SEC22C: variants seen among roughly 807,000 people sequenced by gnomAD.
The protein encoded by SEC22C is SEC22 homolog C, vesicle trafficking protein.
A neutral mutation model predicts 34.7 loss-of-function variants in SEC22C; 29 were observed. The ratio of observed to expected loss-of-function variants is 0.84; its 90% confidence interval spans 0.62 to 1.14. SEC22C has a LOEUF of 1.14. SEC22C is among the 50% of genes most tolerant of loss of function. The pLI is 0.00. For missense variants in SEC22C, 337 were observed against 369.0 expected, an observed-to-expected ratio of 0.91 and a Z score of 0.71; for synonymous variants, 117 against 132.8, an observed-to-expected ratio of 0.88 and a Z score of 0.82.
At chr3:42,561,879 G>A (rs1363023144) in intron 3 of SEC22C, among the ~76,000 whole-genome samples, 8 of 152,066 alleles carry the variant, frequency 5.3e-5, no homozygotes, top group Non-Finnish European at 1.2e-4. Flanking sequence ...TCGGGGGAAA[G>A]GGGCATGCGT....
chr3:42,590,913 G>C (rs536121157), intron 1 of SEC22C: 2 of 1,592,396 alleles, frequency 1.3e-6, no homozygotes, highest in South Asian at 1.1e-5. Context: ...GGTGGCCTTC[G>C]TACCGGACTG....
intron 3 of SEC22C, among the ~76,000 whole-genome samples, chr3:42,562,114 C>T (rs1379305403): frequency 6.6e-6 from 1 of 152,146 alleles, no homozygotes; most frequent in Non-Finnish European, 1.5e-5. Context: ...TCCATTATCA[C>T]ATCTGAACAG....
At chr3:42,563,247 C>T (rs1332151389) in intron 3 of SEC22C, among the ~76,000 whole-genome samples, 1 of 152,184 alleles carries the variant, frequency 6.6e-6, no homozygotes, top group Non-Finnish European at 1.5e-5. Context: ...TTTGCTGACC[C>T]CAGCTTCAGA....
intron 1 of SEC22C, among the ~76,000 whole-genome samples, chr3:42,575,948 G>A (rs1428432642): frequency 6.6e-6 from 1 of 152,068 alleles, no homozygotes; most frequent in Non-Finnish European, 1.5e-5. Flanking sequence ...TGTCTACCAA[G>A]ATAGACCATA....
In SEC22C at chr3:42,549,381, A is replaced by G. The variant is rs566120338; in HGVS notation, c.*3867T>C. 3 of 985,586 alleles carry G rather than the reference A, an allele frequency of 3.0e-6. No homozygotes were observed. The East Asian group carries it at 3.4e-4, about 112-fold the overall frequency. The allele number at this position is 985,586 out of a possible 1,614,324, so 61.1% of individuals were successfully genotyped here. ...ACTCCTTCACAGAACAGCAAATAGC[A>G]GCCCTGGCTACAAGGTGCAGTGTGC... On this transcript the variant is annotated 3_prime_UTR_variant, in exon 7 of 7. Coordinates refer to ENST00000264454, the MANE Select transcript of SEC22C (RefSeq NM_032970.4).
intron 1 of SEC22C, chr3:42,579,333 G>A (rs1244872240): frequency 6.6e-6 from 1 of 151,490 alleles, no homozygotes; most frequent in Non-Finnish European, 1.5e-5. Context: ...TGAGCATGGT[G>A]GCTCATACCT....
chr3:42,551,736 A>G lies in SEC22C; in HGVS notation c.*1512T>C, dbSNP rs1190459005. On this transcript the variant is annotated 3_prime_UTR_variant, in exon 7 of 7. Transcript: ENST00000264454. ...TTTCCCAACATAGTTCCCAGTATAT[A>G]AACTTATTTTTCTTAAAATGATAAC... 1.2e-5 allele frequency: 12 copies of G among 963,618 alleles called. No individual in the cohort carries two copies. Among genetic ancestry groups the G allele is most frequent in the East Asian group, 1.1e-4 (1 of 8,718 alleles). The allele number at this position is 963,618 out of a possible 1,614,324, so 59.7% of individuals were successfully genotyped here.
chr3:42,564,987 G>A (rs1276176532), intron 2 of SEC22C, among the ~76,000 whole-genome samples: 1 of 151,984 alleles, frequency 6.6e-6, no homozygotes, highest in Non-Finnish European at 1.5e-5. Flanking sequence ...CGAACCACTG[G>A]GCTCAAGCAA....
At chr3:42,554,261 C>A (rs114494769) in intron 6 of SEC22C, among the ~76,000 whole-genome samples, 1,750 of 152,262 alleles carry the variant, frequency 0.011, 42 homozygotes, top group African/African-American at 0.039. Context: ...CTGCCACTGG[C>A]TATGTCCAAG....
chr3:42,572,339 C>CA (rs376763052), intron 1 of SEC22C, among the ~76,000 whole-genome samples: 11 of 152,062 alleles, frequency 7.2e-5, no homozygotes, highest in African/African-American at 1.9e-4. Flanking sequence ...CCAAACATCA[C>CA]AAAAAAACTG....
At chr3:42,585,198 G>C (rs1032346046), upstream of SEC22C, among the ~76,000 whole-genome samples, 1 of 152,196 alleles carries the variant, frequency 6.6e-6, no homozygotes, top group Non-Finnish European at 1.5e-5. Flanking sequence ...AACTTGTGGT[G>C]CGAGTGCTTT....
At chr3:42,565,665 G>T (rs1172781164) in intron 2 of SEC22C, 2 of 296,214 alleles carry the variant, frequency 6.8e-6, no homozygotes, top group Non-Finnish European at 1.3e-5. Context: ...CTGCAGTAAC[G>T]CATCTACAAG....
intron 1 of SEC22C, among the ~76,000 whole-genome samples, chr3:42,574,175 T>G (rs1440669608): frequency 6.6e-6 from 1 of 151,864 alleles, no homozygotes; most frequent in African/African-American, 2.4e-5. Flanking sequence ...ATAGAAAACA[T>G]GGAGGCCAAA....
rs984394406 is a variant in SEC22C, at chr3:42,590,749, T to G, written c.-28+10211A>C. 3.6e-6 allele frequency: 3 copies of G among 835,072 alleles called. No individual in the cohort carries two copies. In the Admixed American group the frequency reaches 5.6e-5, roughly 16 times the overall value. 51.7% of individuals were successfully genotyped at this position (835,072 alleles called of 1,614,324 possible). A position where few individuals can be genotyped will look rare whatever the true frequency, so the allele number is the denominator to read the frequency against. ...TGGGGGCTGGGACCGAGGAAAGCGC[T>G]GAGTATAGCTCTTGCGCGTCCAGTC... On this transcript the variant is annotated intron_variant, in intron 1 of 6. Coordinates refer to the SEC22C transcript ENST00000417572.
chr3:42,594,117 T>C (rs1246070757), intron 1 of SEC22C, among the ~76,000 whole-genome samples: 1 of 152,200 alleles, frequency 6.6e-6, no homozygotes, highest in Non-Finnish European at 1.5e-5. Flanking sequence ...TGATTTAAAT[T>C]GTACAGTAAT....
upstream of SEC22C, chr3:42,582,391 A>G (rs1001532946): frequency 1.3e-5 from 2 of 152,412 alleles, no homozygotes; most frequent in Non-Finnish European, 2.9e-5. Context: ...AGATAGGCAA[A>G]CCAAAGAGCA....
chr3:42,599,287 TA>T (rs1012327813), intron 1 of SEC22C, among the ~76,000 whole-genome samples: 8 of 147,598 alleles, frequency 5.4e-5, no homozygotes, highest in Non-Finnish European at 7.5e-5. Flanking sequence ...TTTTATAGTT[TA>T]AAAAAAAAAC....
chr3:42,593,954 C>T (rs1164779594), intron 1 of SEC22C, among the ~76,000 whole-genome samples: 6 of 152,124 alleles, frequency 3.9e-5, no homozygotes, highest in Admixed American at 6.5e-5. Context: ...GGCCAGTATT[C>T]AGTGAACAAA....
At chr3:42,598,675 AT>A (rs1705116210) in intron 1 of SEC22C, among the ~76,000 whole-genome samples, 1 of 151,948 alleles carries the variant, frequency 6.6e-6, no homozygotes, top group Admixed American at 6.6e-5. Flanking sequence ...GAGTAGACAA[AT>A]ACTAGAGTAG....
Sources: allele counts gnomAD v4.1 joint callset (sites outside exome capture counted in the v4.1 genomes callset), GRCh38; gene constraint gnomAD v4.1.1; transcripts MANE v1.5; gene names NCBI Gene and HGNC (gene_info 2026-07-23, HGNC 2026-07-21).